TMEM184B: variants seen among roughly 807,000 people sequenced by gnomAD.
TMEM184B encodes the protein transmembrane protein 184B.
In TMEM184B, 17 loss-of-function variants were observed where a neutral mutation model predicts 41.8. The observed-to-expected ratio is 0.41, with a 90% CI of 0.28 to 0.61. The LOEUF (loss-of-function observed/expected upper bound fraction) is 0.61, where lower values mean the gene tolerates loss of function less well. TMEM184B is among the 20% of genes least tolerant of loss of function. TMEM184B has a pLI of 0.34. For missense variants in TMEM184B, 393 were observed against 557.8 expected (o/e 0.70, Z 2.98); for synonymous variants, 240 against 229.5 (o/e 1.05, Z -0.41).
At chr22:38,223,653 C>G (rs558552139) in intron 8 of TMEM184B, 1 of 152,378 alleles carries the variant, frequency 6.6e-6, no homozygotes, top group South Asian at 2.1e-4. Context: ...TCCAGCCACT[C>G]GGGCAGACAG....
At chr22:38,261,027 T>C (rs2145763733) in intron 1 of TMEM184B, among the ~76,000 whole-genome samples, 1 of 152,294 alleles carries the variant, frequency 6.6e-6, no homozygotes, top group East Asian at 1.9e-4. Flanking sequence ...CATCTTACCA[T>C]AACTCGCTGG....
At chr22:38,230,478 C>T (rs567550642) in intron 5 of TMEM184B, among the ~76,000 whole-genome samples, 191 bp downstream of exon 5, 9 of 152,296 alleles carry the variant, frequency 5.9e-5, no homozygotes, top group Admixed American at 2.6e-4. Context: ...CCCAGGATGT[C>T]GGTCGCTGCC....
At position 38,225,117 on chromosome 22, in the gene TMEM184B, G is replaced by A. The variant is rs1461812897; in HGVS notation, c.788-138C>T. On this transcript the variant is annotated intron_variant, in intron 7 of 8. Coordinates refer to ENST00000361906, the MANE Select transcript of TMEM184B (RefSeq NM_012264.5). The surrounding 1 kb of genome is among the most constrained non-coding windows in gnomAD (Gnocchi z 4.4). ...CCACAGCTGCTCCTGCAGGGCAGGGGTAGCGACACAAGGCCACAGCCTCCG... is the reference window on the plus strand; with the variant it reads ...CCACAGCTGCTCCTGCAGGGCAGGGATAGCGACACAAGGCCACAGCCTCCG... 1.0e-5 allele frequency: 11 copies of A among 1,075,752 alleles called. No homozygotes were observed. The highest frequency in any genetic ancestry group is 5.1e-5 in the South Asian group (3 of 58,920). The allele number at this position is 1,075,752 out of a possible 1,614,324, so 66.6% of individuals were successfully genotyped here. A position where few individuals can be genotyped will look rare whatever the true frequency, so the allele number is the denominator to read the frequency against.
At chr22:38,250,061 C>T (rs753361447) in intron 1 of TMEM184B, among the ~76,000 whole-genome samples, 11 of 152,254 alleles carry the variant, frequency 7.2e-5, no homozygotes, top group Non-Finnish European at 1.2e-4. Flanking sequence ...CCGACCGTCT[C>T]GGTCTGAACC....
rs182013379 is a variant in TMEM184B, at chr22:38,246,376, C to T, written c.193-276G>A. Among the ~76,000 whole-genome samples, 336 of 152,318 alleles carry T rather than the reference C, an allele frequency of 2.2e-3. 2 individuals are homozygous for T. The highest frequency in any genetic ancestry group is 0.014 in the South Asian group (67 of 4,828). On this transcript the variant is annotated intron_variant, in intron 2 of 8. Coordinates refer to ENST00000361906, the MANE Select transcript of TMEM184B (RefSeq NM_012264.5). ...AGGTGCAGGTGGCAGTGAGCCCACA[C>T]CCCTGCCCACAGGAAGGCCAAGGAT...
chr22:38,229,089 G>A (rs189085401), intron 5 of TMEM184B, among the ~76,000 whole-genome samples: 1 of 152,376 alleles, frequency 6.6e-6, no homozygotes, highest in East Asian at 1.9e-4. Flanking sequence ...GCATGTTCAG[G>A]TGGAGGCTTT....
intron 1 of TMEM184B, among the ~76,000 whole-genome samples, chr22:38,257,436 C>G (rs920525595): frequency 2.0e-5 from 3 of 152,178 alleles, no homozygotes; most frequent in Non-Finnish European, 4.4e-5. Context: ...AAGGATGCGT[C>G]TGCTCCGTGT....
Position 38,221,598 on chromosome 22 carries a change from C to T in TMEM184B, c.1095G>A (p.Thr365=), listed in dbSNP as rs775417488. The T allele has an allele frequency of 4.3e-6, 7 of 1,613,972 alleles. No homozygotes were observed. Among genetic ancestry groups the T allele is most frequent in the African/African-American group, 2.7e-5 (2 of 74,924 alleles). ...HNFSPAYQQY[T]QQSTLEPGPT... ...GCCCAGGCTCCAGGGTGGACTGCTGCGTGTACTGCTGGTAGGCAGGTGAGA... is the reference window on the plus strand; with the variant it reads ...GCCCAGGCTCCAGGGTGGACTGCTGTGTGTACTGCTGGTAGGCAGGTGAGA... Residue 365 remains threonine, a synonymous_variant, in exon 9 of 9, where the codon ACG becomes ACA. Coordinates refer to ENST00000361906, the MANE Select transcript of TMEM184B (RefSeq NM_012264.5).
chr22:38,226,532 C>T lies in TMEM184B; in HGVS notation c.617+247G>A. ...GGTCACTGTCCCTTTGTGGCCCATC[C>T]CTTCATGGTACCACTCTGCAGCCTG... On this transcript the variant is annotated intron_variant, in intron 6 of 8. Transcript: ENST00000361906. The surrounding 1 kb of genome is among the most constrained non-coding windows in gnomAD (Gnocchi z 4.6). The T allele has an allele frequency of 2.2e-6, 1 of 450,776 alleles. No homozygotes were observed. Among genetic ancestry groups the T allele is most frequent in the Admixed American group, 3.4e-5 (1 of 29,660 alleles). The allele number at this position is 450,776 out of a possible 1,614,324, so 27.9% of individuals were successfully genotyped here.
intron 1 of TMEM184B, among the ~76,000 whole-genome samples, chr22:38,269,137 T>C (rs527399207): frequency 7.1e-4 from 108 of 152,308 alleles, no homozygotes; most frequent in African/African-American, 1.9e-3. Flanking sequence ...CAGATTTAAA[T>C]TGCATCTCCC....
chr22:38,245,693 A>T (rs1377608442), intron 3 of TMEM184B, among the ~76,000 whole-genome samples: 2 of 151,194 alleles, frequency 1.3e-5, no homozygotes, highest in African/African-American at 2.4e-5. Flanking sequence ...TACCTGCCTG[A>T]GACGCCAGCA....
At position 38,225,085 on chromosome 22, in the gene TMEM184B, A is replaced by G; in HGVS notation, c.788-106T>C. On this transcript the variant is annotated intron_variant, in intron 7 of 8. Coordinates refer to ENST00000361906, the MANE Select transcript of TMEM184B (RefSeq NM_012264.5). This position sits in a 1 kb window ranked among gnomAD's most constrained non-coding sequence, Gnocchi z 4.4. ...GCCCACATGCCCCAGTGAGGATGTG[A>G]GCAGGGCCACAGCTGCTCCTGCAGG... is the stretch of plus-strand genomic sequence containing the variant. The G allele has an allele frequency of 7.8e-7, 1 of 1,285,922 alleles. No homozygotes were observed. The highest frequency in any genetic ancestry group is 1.0e-6 in the Non-Finnish European group (1 of 955,192). The allele number at this position is 1,285,922 out of a possible 1,614,324, so 79.7% of individuals were successfully genotyped here. A position where few individuals can be genotyped will look rare whatever the true frequency, so the allele number is the denominator to read the frequency against.
In TMEM184B at chr22:38,225,600, G is replaced by A. The variant is rs2091410305; in HGVS notation, c.618-7C>T. The A allele has an allele frequency of 6.2e-7, 1 of 1,602,556 alleles. No individual in the cohort carries two copies. On this transcript the variant is annotated splice_polypyrimidine_tract_variant and splice_region_variant and intron_variant, in intron 6 of 8. Coordinates refer to ENST00000361906, the MANE Select transcript of TMEM184B (RefSeq NM_012264.5). This position sits in a 1 kb window ranked among gnomAD's most constrained non-coding sequence, Gnocchi z 4.4. ...GAGGTAGCCACTGGTGACGCTGCGG[G>A]ACGGGGAGCATTTTCTGGCTGGGAC...
chr22:38,272,584 G>A, intron 1 of TMEM184B: 2 of 985,600 alleles, frequency 2.0e-6, no homozygotes, highest in Non-Finnish European at 2.4e-6. Flanking sequence ...TCCCTCTCCC[G>A]GGGCCGCCCC....
rs780757262 is a variant in TMEM184B at position 38,246,031 on chromosome 22, C to T, written c.262G>A (p.Val88Met). The change falls in exon 3 of 9, where the codon GTG becomes ATG. Residue 88 changes from valine (V) to methionine (M), a missense_variant. Val to Met is a conservative substitution (Grantham distance 21). Transcript: ENST00000361906. ...CAGGAGTCAAAGGCGTAGATGGGCA[C>T]GATGAAGAGGATGCGCACGATGTAG... Reference protein sequence around the residue: ...QRYIVRILFIVPIYAFDSWLS... With the variant: ...QRYIVRILFIMPIYAFDSWLS... The T allele has an allele frequency of 2.2e-5, 35 of 1,613,538 alleles. No individual in the cohort carries two copies. The highest frequency in any genetic ancestry group is 2.9e-5 in the Non-Finnish European group (34 of 1,180,016).
In TMEM184B at chr22:38,245,766, C is replaced by A. The variant is rs554664223; in HGVS notation, c.358+169G>T. On this transcript the variant is annotated intron_variant, in intron 3 of 8. Coordinates refer to ENST00000361906, the MANE Select transcript of TMEM184B (RefSeq NM_012264.5). Reference sequence around the variant, plus strand: ...AGGTACCTGTGAGGTGAGACTCTAGCTGCATGTGCTGTTACCTGTCAATTT... The same window carrying A: ...AGGTACCTGTGAGGTGAGACTCTAGATGCATGTGCTGTTACCTGTCAATTT... 5.9e-5 allele frequency among the ~76,000 whole-genome samples: 9 copies of A among 152,358 alleles called. No individual in the cohort carries two copies. In the East Asian group the frequency reaches 1.7e-3, roughly 29 times the overall value.
rs144603341 is a variant in TMEM184B, at chr22:38,271,162, C to T, written c.-59+1722G>A. On this transcript the variant is annotated intron_variant, in intron 1 of 8. Coordinates refer to ENST00000361906, the MANE Select transcript of TMEM184B (RefSeq NM_012264.5). ...CCACCCACATTAGCTATTGGAGCCT[C>T]GTATCCAGATTGGGGTCACTAAATC... 3.4e-4 allele frequency among the ~76,000 whole-genome samples: 52 copies of T among 152,328 alleles called. No homozygotes were observed. In the East Asian group the frequency reaches 9.6e-3, roughly 28 times the overall value.
intron 3 of TMEM184B, among the ~76,000 whole-genome samples, chr22:38,235,954 C>A (rs2091763179): frequency 2.0e-5 from 3 of 152,238 alleles, no homozygotes; most frequent in African/African-American, 7.2e-5. Flanking sequence ...CGGAGACACA[C>A]AATGACTCTA....
chr22:38,272,637 T>C (rs531655356), intron 1 of TMEM184B: 36 of 985,426 alleles, frequency 3.7e-5, no homozygotes, highest in African/African-American at 5.2e-5. Context: ...CCCCGCCACG[T>C]TGGCGTGGAA....
Sources: gnomAD v4.1 joint callset for allele counts (sites outside exome capture counted in the v4.1 genomes callset) on GRCh38, gnomAD v4.1.1 for gene constraint, Gnocchi (gnomAD v3.1) non-coding constraint, MANE v1.5 for transcripts, NCBI Gene and HGNC (gene_info 2026-07-23, HGNC 2026-07-21) for gene names.